SYT17: variants seen among roughly 807,000 people sequenced by gnomAD.
SYT17 encodes the protein synaptotagmin-17.
Under a neutral mutation model 46.7 loss-of-function variants are expected in SYT17, and 22 were observed. The observed-to-expected ratio is 0.47, with a 90% CI of 0.34 to 0.67. The LOEUF is 0.67. SYT17 is among the 30% of genes least tolerant of loss of function. The pLI, the probability that SYT17 is intolerant of heterozygous loss-of-function variation, is 0.01. For missense variants in SYT17, 519 were observed against 612.8 expected, an observed-to-expected ratio of 0.85 and a Z score of 1.62; for synonymous variants, 251 against 248.4, an observed-to-expected ratio of 1.01 and a Z score of -0.10.
chr16:19,198,298 A>T (rs1965331306), intron 5 of SYT17, among the ~76,000 whole-genome samples: 1 of 152,142 alleles, frequency 6.6e-6, no homozygotes, highest in Admixed American at 6.5e-5. Context: ...TGGCAGTCAG[A>T]CTTAGTCGTT....
chr16:19,222,274 A>G (rs1195896405), intron 5 of SYT17, among the ~76,000 whole-genome samples: 1 of 151,330 alleles, frequency 6.6e-6, no homozygotes, highest in Non-Finnish European at 1.5e-5. Context: ...TGTTTTGTAT[A>G]TGGCTGAAAT....
intron 5 of SYT17, among the ~76,000 whole-genome samples, chr16:19,220,534 G>C (rs1295702007): frequency 1.3e-5 from 2 of 151,992 alleles, no homozygotes; most frequent in African/African-American, 4.8e-5. Context: ...CGTGACCTTA[G>C]ATGATCCACC....
In SYT17 at chr16:19,252,468, T is replaced by C. The variant is rs1409189674; in HGVS notation, c.1229-14412T>C. Among the ~76,000 whole-genome samples the C allele has an allele frequency of 1.7e-3, 12 of 7,084 alleles. 3 individuals are homozygous for C. Among genetic ancestry groups the C allele is most frequent in the Admixed American group, 0.016 (6 of 382 alleles). The allele number at this position is 7,084 out of a possible 152,430, so 4.6% of individuals were successfully genotyped here. On this transcript the variant is annotated intron_variant, in intron 7 of 7. Transcript: ENST00000355377. ...ATATACACATATATACATATATATA[T>C]ACATATATATATACATATATATATA...
chr16:19,178,357 T>A (rs1964405676), intron 3 of SYT17, among the ~76,000 whole-genome samples: 1 of 151,842 alleles, frequency 6.6e-6, no homozygotes, highest in African/African-American at 2.4e-5. Flanking sequence ...AATGCTGGGA[T>A]TACAGACGTG....
intron 5 of SYT17, among the ~76,000 whole-genome samples, chr16:19,212,220 AC>A (rs1207337420): frequency 2.0e-5 from 3 of 152,144 alleles, no homozygotes; most frequent in Non-Finnish European, 2.9e-5. Context: ...AGCTCCCACA[AC>A]ACAGAATGCT....
At chr16:19,211,491 G>A (rs769989243) in intron 5 of SYT17, 2 of 703,862 alleles carry the variant, frequency 2.8e-6, no homozygotes, top group South Asian at 1.5e-5. Context: ...ACAAGGTGGT[G>A]TGATGGGAAA....
At chr16:19,263,487 C>G (rs544579096) in intron 7 of SYT17, among the ~76,000 whole-genome samples, 1 of 151,876 alleles carries the variant, frequency 6.6e-6, no homozygotes, top group South Asian at 2.1e-4. Context: ...ACTAAAAATA[C>G]AAAAATTAGC....
intron 7 of SYT17, among the ~76,000 whole-genome samples, chr16:19,261,061 G>A (rs529058494): frequency 2.6e-5 from 4 of 151,912 alleles, no homozygotes; most frequent in South Asian, 2.1e-4. Flanking sequence ...AGCTGGTCTC[G>A]AACTCCTGGG....
At chr16:19,204,891 C>T (rs560325461) in intron 5 of SYT17, among the ~76,000 whole-genome samples, 27 of 152,152 alleles carry the variant, frequency 1.8e-4, no homozygotes, top group South Asian at 6.2e-4. Context: ...ATTGCTCCTC[C>T]GCCGGTGTTC....
chr16:19,185,241 C>G (rs577974293), intron 5 of SYT17, among the ~76,000 whole-genome samples: 1 of 151,912 alleles, frequency 6.6e-6, no homozygotes, highest in Non-Finnish European at 1.5e-5. Context: ...GGAACAGGGA[C>G]GGGAGATGGA....
Position 19,168,400 on chromosome 16 carries a change from G to T in SYT17, c.-247G>T. The stretch of plus-strand genomic sequence containing the variant: ...CGAGGGAGGCCGAGGCGGGGGCCCT[G>T]GGCGCCCGATATCTCCGAACCGGGG... On this transcript the variant is annotated 5_prime_UTR_variant, in exon 1 of 8. Coordinates refer to ENST00000355377, the MANE Select transcript of SYT17 (RefSeq NM_016524.4). The surrounding 1 kb of genome is among the most constrained non-coding windows in gnomAD (Gnocchi z 6.9). The T allele has an allele frequency of 3.5e-6, 2 of 565,304 alleles. No homozygotes were observed. Among genetic ancestry groups the T allele is most frequent in the Non-Finnish European group, 6.2e-6 (2 of 324,852 alleles). The allele number at this position is 565,304 out of a possible 1,614,324, so 35.0% of individuals were successfully genotyped here.
chr16:19,241,067 C>T (rs1038005299), intron 7 of SYT17, among the ~76,000 whole-genome samples: 2 of 150,448 alleles, frequency 1.3e-5, no homozygotes, highest in East Asian at 3.9e-4. Flanking sequence ...CCTGCCTCAG[C>T]CTCCCAAGTA....
rs536006569 is a variant in SYT17 at position 19,212,192 on chromosome 16, TC to T, written c.952-10851del. On this transcript the variant is annotated intron_variant, in intron 5 of 7. Transcript: ENST00000355377. ...TAGAGGCCAGAGATGCTGCTAAACT[TC>T]CTGTAGCGCACAGGACAGCTCCCAC... Among the ~76,000 whole-genome samples, 10 of 152,254 alleles carry T rather than the reference TC, an allele frequency of 6.6e-5. No homozygotes were observed. In the East Asian group the frequency reaches 1.9e-3, roughly 29 times the overall value.
intron 5 of SYT17, among the ~76,000 whole-genome samples, chr16:19,217,229 G>A (rs1347628613): frequency 6.6e-6 from 1 of 151,954 alleles, no homozygotes; most frequent in Non-Finnish European, 1.5e-5. Flanking sequence ...CAATTCAGTG[G>A]CATTTAGTAA....
At chr16:19,219,014 G>A (rs1406841703) in intron 5 of SYT17, among the ~76,000 whole-genome samples, 2 of 151,984 alleles carry the variant, frequency 1.3e-5, no homozygotes, top group Non-Finnish European at 2.9e-5. Flanking sequence ...CAGCTCCCAC[G>A]CGAACCCCAT....
At chr16:19,213,447 A>G (rs928575296) in intron 5 of SYT17, among the ~76,000 whole-genome samples, 1 of 152,224 alleles carries the variant, frequency 6.6e-6, no homozygotes. Context: ...GGCTCTGTAG[A>G]TAAGGACCAG....
At chr16:19,232,070 C>T (rs935389462) in intron 7 of SYT17, among the ~76,000 whole-genome samples, 14 of 152,036 alleles carry the variant, frequency 9.2e-5, no homozygotes, top group African/African-American at 2.2e-4. Flanking sequence ...GCTCCCGCCC[C>T]GGAAGAGAAA....
At chr16:19,222,766 C>T (rs1272673528) in intron 5 of SYT17, among the ~76,000 whole-genome samples, 1 of 152,144 alleles carries the variant, frequency 6.6e-6, no homozygotes, top group Non-Finnish European at 1.5e-5. Context: ...AAGCGCTTAG[C>T]GTAGTACATG....
chr16:19,180,198 C>A (rs1235748162), intron 3 of SYT17, 193 bp from the exon 4 acceptor site: 2 of 573,584 alleles, frequency 3.5e-6, no homozygotes, highest in East Asian at 2.8e-5. Flanking sequence ...TTCTTCATAT[C>A]ATTTCACATT....
Sources: allele counts gnomAD v4.1 joint callset (sites outside exome capture counted in the v4.1 genomes callset), GRCh38; gene constraint gnomAD v4.1.1; non-coding constraint Gnocchi (gnomAD v3.1); transcripts MANE v1.5; gene names NCBI Gene and HGNC (gene_info 2026-07-23, HGNC 2026-07-21).